The following OXSR1 variants were observed in gnomAD, a reference collection of about 807,000 sequenced individuals.
The protein encoded by OXSR1 is serine/threonine-protein kinase OSR1.
In OXSR1, 24 loss-of-function variants were observed where a neutral mutation model predicts 79.8. The ratio of observed to expected loss-of-function variants is 0.30; its 90% confidence interval spans 0.22 to 0.42. OXSR1 has a LOEUF of 0.42. Ranked by LOEUF, OXSR1 falls within the 10% of genes least tolerant of loss-of-function variation. The pLI is 1.00. For missense variants in OXSR1, 430 were observed against 618.4 expected (o/e 0.70, Z 3.23); for synonymous variants, 226 against 209.2 (o/e 1.08, Z -0.69).
chr3:38,220,771 G>A (rs1456147344), intron 5 of OXSR1, among the ~76,000 whole-genome samples: 4 of 152,136 alleles, frequency 2.6e-5, no homozygotes, highest in Admixed American at 2.6e-4. Flanking sequence ...GGCCTACTTT[G>A]GATTAAGGTG....
chr3:38,194,671 G>A (rs1226554390), intron 3 of OXSR1, among the ~76,000 whole-genome samples: 1 of 152,210 alleles, frequency 6.6e-6, no homozygotes, highest in Non-Finnish European at 1.5e-5. Context: ...AGACAGGATG[G>A]AGTGTGTATG....
chr3:38,218,453 T>C (rs977945340), intron 5 of OXSR1, among the ~76,000 whole-genome samples: 2 of 152,348 alleles, frequency 1.3e-5, no homozygotes, highest in South Asian at 4.1e-4. Context: ...TTATTGGCCA[T>C]TTGTATATCT....
intron 3 of OXSR1, among the ~76,000 whole-genome samples, chr3:38,196,172 T>TA (rs1215971925): frequency 1.3e-5 from 2 of 152,226 alleles, no homozygotes; most frequent in African/African-American, 4.8e-5. Context: ...GAGGACAAAA[T>TA]ACTACATACG....
intron 1 of OXSR1, among the ~76,000 whole-genome samples, chr3:38,175,315 T>A (rs1701656791): frequency 6.6e-6 from 1 of 152,168 alleles, no homozygotes; most frequent in African/African-American, 2.4e-5. Context: ...TTTTAAAAAA[T>A]TTATTTTTGA....
At chr3:38,180,726 G>T (rs1275809002) in intron 1 of OXSR1, among the ~76,000 whole-genome samples, 1 of 151,780 alleles carries the variant, frequency 6.6e-6, no homozygotes, top group Non-Finnish European at 1.5e-5. Flanking sequence ...TAGAGACAGG[G>T]TTTTGCCATG....
intron 2 of OXSR1, among the ~76,000 whole-genome samples, chr3:38,184,830 G>A (rs1701849249): frequency 7.9e-6 from 1 of 127,186 alleles, no homozygotes; most frequent in East Asian, 2.7e-4. Context: ...TCTGACTTAA[G>A]TCTATTATTG....
intron 3 of OXSR1, among the ~76,000 whole-genome samples, chr3:38,192,051 T>G (rs759077791): frequency 5.9e-5 from 9 of 152,184 alleles, no homozygotes; most frequent in Non-Finnish European, 1.3e-4. Context: ...AGTAATCATC[T>G]CCAGTGGTAG....
intron 4 of OXSR1, among the ~76,000 whole-genome samples, chr3:38,200,259 G>A (rs1702140408): frequency 6.6e-6 from 1 of 152,168 alleles, no homozygotes; most frequent in Non-Finnish European, 1.5e-5. Context: ...GAGAGAGAGA[G>A]AGCAGGCTTG....
At chr3:38,240,829 T>C (rs1453429856) in intron 11 of OXSR1, among the ~76,000 whole-genome samples, 1 of 152,108 alleles carries the variant, frequency 6.6e-6, no homozygotes, top group Non-Finnish European at 1.5e-5. Flanking sequence ...AGAAAATAGC[T>C]ATCTATGAGT....
intron 11 of OXSR1, among the ~76,000 whole-genome samples, chr3:38,237,696 T>C (rs1256364034): frequency 6.6e-6 from 1 of 152,182 alleles, no homozygotes; most frequent in East Asian, 1.9e-4. Flanking sequence ...TTGAGTCTAG[T>C]CCTTCTGCAG....
At chr3:38,211,111 T>C (rs1037531280) in intron 4 of OXSR1, among the ~76,000 whole-genome samples, 1 of 152,222 alleles carries the variant, frequency 6.6e-6, no homozygotes, top group African/African-American at 2.4e-5. Flanking sequence ...GCTGTCTCTT[T>C]GACCCTCTGC....
chr3:38,247,826 G>C, intron 14 of OXSR1, 94 bp downstream of exon 14: 1 of 721,054 alleles, frequency 1.4e-6, no homozygotes, highest in Middle Eastern at 3.4e-4. Flanking sequence ...GGATAGGATT[G>C]TATGTCCTCC....
At chr3:38,197,230 G>A (rs931137041) in intron 3 of OXSR1, among the ~76,000 whole-genome samples, 2 of 152,240 alleles carry the variant, frequency 1.3e-5, no homozygotes, top group African/African-American at 2.4e-5. Flanking sequence ...CTGTCTGGAA[G>A]CTATCTGGAG....
upstream of OXSR1, among the ~76,000 whole-genome samples, chr3:38,164,692 G>GT (rs1295774780): frequency 6.6e-6 from 1 of 152,156 alleles, no homozygotes; most frequent in African/African-American, 2.4e-5. Flanking sequence ...GATCTCACTT[G>GT]TTTAATACCC....
intron 16 of OXSR1, among the ~76,000 whole-genome samples, chr3:38,251,915 G>C (rs542892796): frequency 2.0e-4 from 30 of 152,180 alleles, no homozygotes; most frequent in African/African-American, 7.2e-4. Context: ...ACAGTTTTCC[G>C]TGAAAAACCA....
chr3:38,224,893 C>T lies in OXSR1; in HGVS notation c.836+189C>T, dbSNP rs899719667. 17 of 359,218 alleles carry T rather than the reference C, an allele frequency of 4.7e-5. No individual in the cohort carries two copies. The South Asian group carries it at 1.2e-3, about 26-fold the overall frequency. The allele number at this position is 359,218 out of a possible 1,614,324, so 22.3% of individuals were successfully genotyped here. ...TGCCTTCTTTGTAGTATACAGTGTA[C>T]CCTAAATAGTTCAGCTTTTTCCTTG... On this transcript the variant is annotated intron_variant, in intron 8 of 17. Coordinates refer to ENST00000311806, the MANE Select transcript of OXSR1 (RefSeq NM_005109.3).
At chr3:38,184,621 T>A (rs1462783064) in intron 2 of OXSR1, among the ~76,000 whole-genome samples, 1 of 152,216 alleles carries the variant, frequency 6.6e-6, no homozygotes, top group Non-Finnish European at 1.5e-5. Flanking sequence ...TATTATTTAC[T>A]GCTTCATGAT....
intron 10 of OXSR1, among the ~76,000 whole-genome samples, chr3:38,235,810 A>G (rs569688314): frequency 2.6e-5 from 4 of 152,350 alleles, no homozygotes; most frequent in African/African-American, 9.6e-5. Flanking sequence ...AAGTGTGAAG[A>G]TGGAATCAAG....
intron 4 of OXSR1, among the ~76,000 whole-genome samples, chr3:38,207,972 C>T (rs567350311): frequency 7.0e-6 from 1 of 143,004 alleles, no homozygotes; most frequent in South Asian, 2.3e-4. Flanking sequence ...TTCTTCCTTC[C>T]ATCCAGACAT....
Sources: gnomAD v4.1 joint callset for allele counts (sites outside exome capture counted in the v4.1 genomes callset) on GRCh38, gnomAD v4.1.1 for gene constraint, MANE v1.5 for transcripts, NCBI Gene and HGNC (gene_info 2026-07-23, HGNC 2026-07-21) for gene names.